Variants in HIP1 observed in about 807,000 individuals in gnomAD.
HIP1 encodes the protein huntingtin-interacting protein 1.
In HIP1, 65 loss-of-function variants were observed where a neutral mutation model predicts 147.6. That is an observed-to-expected ratio of 0.44 (90% CI 0.36 to 0.54). HIP1 has a LOEUF of 0.54. Among genes scored for constraint, HIP1 ranks in the 20% least tolerant of loss-of-function variants. The pLI is 0.00. For missense variants in HIP1, 1,061 were observed against 1,299.6 expected, an observed-to-expected ratio of 0.82 and a Z score of 2.82; for synonymous variants, 479 against 504.0, an observed-to-expected ratio of 0.95 and a Z score of 0.67.
intron 1 of HIP1, among the ~76,000 whole-genome samples, chr7:75,660,008 C>A (rs1356630233): frequency 6.6e-6 from 1 of 151,680 alleles, no homozygotes; most frequent in East Asian, 1.9e-4. Context: ...CACCTGTAGT[C>A]CCAGCTACTC....
chr7:75,655,174 C>CA (rs1233762218), intron 1 of HIP1, among the ~76,000 whole-genome samples: 1 of 152,194 alleles, frequency 6.6e-6, no homozygotes, highest in Non-Finnish European at 1.5e-5. Flanking sequence ...AATGCATTGA[C>CA]AAAATGTGGT....
chr7:75,556,688 A>AAT, intron 17 of HIP1, 22 bp downstream of exon 17: 1 of 1,320,996 alleles, frequency 7.6e-7, no homozygotes, highest in Non-Finnish European at 1.1e-6. Context: ...TCTATCTCCA[A>AAT]AAAAAAAAAG....
chr7:75,695,113 C>T (rs1800593135), intron 1 of HIP1, among the ~76,000 whole-genome samples: 1 of 152,104 alleles, frequency 6.6e-6, no homozygotes, highest in Non-Finnish European at 1.5e-5. Context: ...ATCAGCTGAT[C>T]CTTGGTTAGA....
chr7:75,561,177 C>T, intron 13 of HIP1, 152 bp downstream of exon 13: 1 of 700,994 alleles, frequency 1.4e-6, no homozygotes, highest in South Asian at 1.6e-5. Flanking sequence ...TGGTCTCGAA[C>T]TCCCGACCTC....
At chr7:75,550,709 TG>T (rs782488068) in intron 22 of HIP1, among the ~76,000 whole-genome samples, 16 of 152,166 alleles carry the variant, frequency 1.1e-4, no homozygotes, top group Non-Finnish European at 2.2e-4. Context: ...CCACTATGCC[TG>T]GCCTGTCTTA....
intron 17 of HIP1, 115 bp downstream of exon 17, chr7:75,556,595 G>T: frequency 1.5e-6 from 1 of 688,582 alleles, no homozygotes; most frequent in South Asian, 1.7e-5. Context: ...TAAGTGGGGA[G>T]GATCACCTGA....
chr7:75,663,986 ATATATATACACATATATGTG>A (rs61728731), intron 1 of HIP1, among the ~76,000 whole-genome samples: 605 of 57,804 alleles, frequency 0.01, 63 homozygotes, highest in African/African-American at 0.019. Flanking sequence ...ATATATGTGT[ATATATATACACATATATGTG>A]TATATATATA....
intron 1 of HIP1, among the ~76,000 whole-genome samples, chr7:75,680,520 G>T (rs1284380731): frequency 6.6e-6 from 1 of 152,158 alleles, no homozygotes; most frequent in Non-Finnish European, 1.5e-5. Context: ...ATGCCAGAAA[G>T]ATTTTTTATT....
chr7:75,626,589 G>GGA (rs1274212296), intron 1 of HIP1: 1 of 152,178 alleles, frequency 6.6e-6, no homozygotes, highest in Non-Finnish European at 1.5e-5. Flanking sequence ...CCTGGCAAAG[G>GGA]GAGACCTCAG....
intron 4 of HIP1, among the ~76,000 whole-genome samples, chr7:75,587,663 A>C (rs1416997235): frequency 1.3e-5 from 2 of 152,130 alleles, no homozygotes; most frequent in East Asian, 3.9e-4. Flanking sequence ...AAAGCTTCCT[A>C]CTTAAGAATG....
chr7:75,642,198 G>C (rs149527593), intron 1 of HIP1, among the ~76,000 whole-genome samples: 1 of 152,142 alleles, frequency 6.6e-6, no homozygotes, highest in African/African-American at 2.4e-5. Context: ...CAGGATTCTA[G>C]ACCAGCCTGG....
At chr7:75,580,461 G>A (rs1554498390) in intron 7 of HIP1, among the ~76,000 whole-genome samples, 1 of 152,120 alleles carries the variant, frequency 6.6e-6, no homozygotes, top group African/African-American at 2.4e-5. Context: ...TAGGAGGCCA[G>A]GTGTGGTAGC....
chr7:75,699,657 TACTC>T (rs1291563860), intron 1 of HIP1, among the ~76,000 whole-genome samples: 7 of 152,308 alleles, frequency 4.6e-5, no homozygotes, highest in Admixed American at 4.6e-4. Flanking sequence ...GGTCTCTGCT[TACTC>T]ACATCGTCCT....
chr7:75,684,104 GAC>G (rs1800179944), intron 1 of HIP1, among the ~76,000 whole-genome samples: 1 of 151,464 alleles, frequency 6.6e-6, no homozygotes, highest in South Asian at 2.1e-4. Context: ...AGGAGTTCAA[GAC>G]CAGCCTGAGC....
intron 1 of HIP1, among the ~76,000 whole-genome samples, chr7:75,614,187 T>C (rs2117067385): frequency 6.6e-6 from 1 of 152,226 alleles, no homozygotes; most frequent in East Asian, 1.9e-4. Flanking sequence ...GTAGCTGGGA[T>C]TATAGGCACA....
intron 1 of HIP1, among the ~76,000 whole-genome samples, chr7:75,715,130 C>G (rs1287713103): frequency 6.6e-6 from 1 of 152,206 alleles, no homozygotes; most frequent in Non-Finnish European, 1.5e-5. Context: ...AGGCTCACAC[C>G]TGTAATCCCA....
At chr7:75,690,985 A>C (rs1473630477) in intron 1 of HIP1, among the ~76,000 whole-genome samples, 1 of 152,218 alleles carries the variant, frequency 6.6e-6, no homozygotes, top group Non-Finnish European at 1.5e-5. Context: ...TCACAGTAGC[A>C]CTATTCACAG....
At chr7:75,642,536 A>C (rs191256592) in intron 1 of HIP1, among the ~76,000 whole-genome samples, 54 of 151,162 alleles carry the variant, frequency 3.6e-4, no homozygotes, top group African/African-American at 1.1e-3. Context: ...CTCTGTCTCA[A>C]AACAAAACAA....
chr7:75,589,854 C>T (rs1796433951), intron 4 of HIP1, among the ~76,000 whole-genome samples: 1 of 151,778 alleles, frequency 6.6e-6, no homozygotes, highest in Non-Finnish European at 1.5e-5. Context: ...CCTCAGCCTC[C>T]TGAGTAGCTG....
Sources: allele counts gnomAD v4.1 joint callset (sites outside exome capture counted in the v4.1 genomes callset), GRCh38; gene constraint gnomAD v4.1.1; transcripts MANE v1.5; gene names NCBI Gene and HGNC (gene_info 2026-07-23, HGNC 2026-07-21).